PHACTR3: variants seen among roughly 807,000 people sequenced by gnomAD.
PHACTR3 encodes the protein phosphatase and actin regulator 3.
PHACTR3 carries 16 observed loss-of-function variants against 66.8 expected under a neutral mutation model. The observed-to-expected ratio is 0.24, with a 90% confidence interval of 0.16 to 0.36. PHACTR3 has a LOEUF of 0.36. Ranked by LOEUF, PHACTR3 falls within the 10% of genes least tolerant of loss-of-function variation. The probability of loss-of-function intolerance (pLI) is 1.00; values close to 1 mark genes in which losing one functional copy is unlikely to be tolerated. For missense variants in PHACTR3, 647 were observed against 719.9 expected (o/e 0.90, Z 1.16); for synonymous variants, 323 against 292.1 (o/e 1.11, Z -1.08).
intron 1 of PHACTR3, among the ~76,000 whole-genome samples, chr20:59,705,200 C>T (rs901920834): frequency 6.6e-5 from 10 of 152,224 alleles, no homozygotes; most frequent in South Asian, 2.1e-4. Context: ...AAAAGTGATC[C>T]GCCCGCCTCA....
intron 1 of PHACTR3, among the ~76,000 whole-genome samples, chr20:59,655,341 G>A (rs944773262): frequency 1.3e-5 from 2 of 151,882 alleles, no homozygotes; most frequent in Non-Finnish European, 2.9e-5. Flanking sequence ...AACTTTAATT[G>A]TTTTAAATAT....
rs2040661115 is a variant in PHACTR3 at position 59,779,776 on chromosome 20, T to G, written c.1174+5286T>G. On this transcript the variant is annotated intron_variant, in intron 7 of 12. Transcript: ENST00000371015. ...ATTTTTGGAAATGGTGGAGGCCCTA[T>G]GCCCACATGCACATGCGTGCCCACA... Among the ~76,000 whole-genome samples, 7 of 152,368 alleles carry G rather than the reference T, an allele frequency of 4.6e-5. No individual in the cohort carries two copies. In the South Asian group the frequency reaches 1.4e-3, roughly 32 times the overall value.
chr20:59,699,018 T>C (rs2037397558), intron 1 of PHACTR3, among the ~76,000 whole-genome samples: 1 of 152,206 alleles, frequency 6.6e-6, no homozygotes, highest in Admixed American at 6.5e-5. Flanking sequence ...CCCTAGGTCA[T>C]GTCAGCTATG....
At chr20:59,707,076 T>C (rs368060617) in intron 1 of PHACTR3, among the ~76,000 whole-genome samples, 2 of 152,222 alleles carry the variant, frequency 1.3e-5, no homozygotes, top group African/African-American at 2.4e-5. Flanking sequence ...AAGAGAGGCA[T>C]TGATTGGTTC....
chr20:59,659,227 C>A (rs963267868), intron 1 of PHACTR3, among the ~76,000 whole-genome samples: 2 of 152,150 alleles, frequency 1.3e-5, no homozygotes, highest in Non-Finnish European at 2.9e-5. Context: ...GATCACAAAT[C>A]AAATGTTCTT....
At chr20:59,687,225 G>A (rs1205499970) in intron 1 of PHACTR3, among the ~76,000 whole-genome samples, 3 of 151,928 alleles carry the variant, frequency 2.0e-5, no homozygotes, top group Non-Finnish European at 2.9e-5. Flanking sequence ...TGATGATGAC[G>A]ATGGTGATTG....
chr20:59,784,782 T>G (rs542835605), intron 7 of PHACTR3, among the ~76,000 whole-genome samples: 1 of 152,168 alleles, frequency 6.6e-6, no homozygotes, highest in South Asian at 2.1e-4. Flanking sequence ...ATAGGAAAAC[T>G]AAATCCTAGC....
chr20:59,711,339 T>C (rs1466507260), intron 1 of PHACTR3, among the ~76,000 whole-genome samples: 1 of 152,210 alleles, frequency 6.6e-6, no homozygotes, highest in Non-Finnish European at 1.5e-5. Context: ...TTTAAGCTCT[T>C]GACACACATT....
intron 1 of PHACTR3, among the ~76,000 whole-genome samples, chr20:59,638,638 G>A (rs1344068933): frequency 1.4e-5 from 2 of 147,386 alleles, no homozygotes; most frequent in Non-Finnish European, 3.0e-5. Flanking sequence ...AGAATGGGTG[G>A]ATGGGTGGGT....
chr20:59,797,227 A>G (rs1440847149), intron 7 of PHACTR3, among the ~76,000 whole-genome samples: 1 of 152,064 alleles, frequency 6.6e-6, no homozygotes, highest in Non-Finnish European at 1.5e-5. Flanking sequence ...CAGATCATAA[A>G]TTGTTTTCCT....
intron 1 of PHACTR3, among the ~76,000 whole-genome samples, chr20:59,673,110 A>G (rs747688611): frequency 2.0e-5 from 3 of 152,088 alleles, no homozygotes; most frequent in Non-Finnish European, 2.9e-5. Flanking sequence ...TAGTTTGTGG[A>G]TTTGAATAGA....
chr20:59,615,498 G>T (rs557497955), intron 1 of PHACTR3, among the ~76,000 whole-genome samples: 6 of 152,186 alleles, frequency 3.9e-5, no homozygotes, highest in Non-Finnish European at 7.4e-5. Flanking sequence ...TAAGTGCCAG[G>T]CCTCTCAAAC....
At chr20:59,584,828 G>C (rs946593790) in intron 1 of PHACTR3, among the ~76,000 whole-genome samples, 1 of 152,038 alleles carries the variant, frequency 6.6e-6, no homozygotes. Context: ...CCCCTATTCC[G>C]GGGGGATCTT....
At chr20:59,785,674 C>T (rs1001615976) in intron 7 of PHACTR3, among the ~76,000 whole-genome samples, 3 of 152,180 alleles carry the variant, frequency 2.0e-5, no homozygotes, top group South Asian at 2.1e-4. Context: ...CAGTCAAGAG[C>T]GTTTATTGAG....
chr20:59,845,132 C>A, intron 11 of PHACTR3, 57 bp from the exon 12 acceptor site: 2 of 1,082,016 alleles, frequency 1.8e-6, no homozygotes, highest in Non-Finnish European at 1.4e-6. Context: ...AAACACGATG[C>A]TAATTTCCTG....
intron 1 of PHACTR3, among the ~76,000 whole-genome samples, chr20:59,722,457 G>T (rs562869233): frequency 6.6e-6 from 1 of 152,160 alleles, no homozygotes; most frequent in Non-Finnish European, 1.5e-5. Flanking sequence ...TCCCTGTGCA[G>T]TCAGCGTGGC....
intron 1 of PHACTR3, among the ~76,000 whole-genome samples, chr20:59,618,362 A>G (rs1028964391): frequency 6.6e-6 from 1 of 152,074 alleles, no homozygotes; most frequent in African/African-American, 2.4e-5. Flanking sequence ...ACAGAGACCA[A>G]GAGACAGTGT....
Position 59,773,315 on chromosome 20 carries a change from G to C in PHACTR3, c.788G>C (p.Ser263Thr), listed in dbSNP as rs1424254520. ...CTCTTCCAAGCCTCCAGCATGAAGA[G>C]TGCCGACCCTTCCCTCCGGGGCCAG... ...ATLFQASSMK[S>T]ADPSLRGQLS... The change falls in exon 6 of 13, where the codon AGT becomes ACT. Residue 263 changes from serine (S) to threonine (T), a missense_variant. Physicochemically the swap from Ser to Thr is moderately conservative, Grantham distance 58. Around this residue, in one of 2 missense-constraint regions of PHACTR3, gnomAD observed 577 missense variants for 571.1 expected, o/e 1.01. Transcript: ENST00000371015. 2 of 1,614,032 alleles carry C rather than the reference G, an allele frequency of 1.2e-6. No homozygotes were observed. Among genetic ancestry groups the C allele is most frequent in the African/African-American group, 1.3e-5 (1 of 74,940 alleles).
chr20:59,589,758 A>G (rs2146310424), intron 1 of PHACTR3, among the ~76,000 whole-genome samples: 1 of 152,376 alleles, frequency 6.6e-6, no homozygotes, highest in East Asian at 1.9e-4. Context: ...AAGGGGCATT[A>G]TTTAAACATG....
Sources: allele counts gnomAD v4.1 joint callset (sites outside exome capture counted in the v4.1 genomes callset), GRCh38; gene constraint gnomAD v4.1.1; regional missense constraint gnomAD v4.1.1; transcripts MANE v1.5; gene names NCBI Gene and HGNC (gene_info 2026-07-23, HGNC 2026-07-21).